ADAMTS19: variants seen among roughly 807,000 people sequenced by gnomAD.
ADAMTS19 encodes the protein ADAM metallopeptidase with thrombospondin type 1 motif 19.
Under a neutral mutation model 153.3 loss-of-function variants are expected in ADAMTS19, and 93 were observed. The ratio of observed to expected loss-of-function variants is 0.61; its 90% confidence interval spans 0.51 to 0.72. ADAMTS19 has a LOEUF of 0.72. Ranked by LOEUF, ADAMTS19 falls within the 30% of genes least tolerant of loss-of-function variation. The pLI is 0.00. For missense variants in ADAMTS19, 1,482 were observed against 1,552.1 expected (o/e 0.95, Z 0.76); for synonymous variants, 600 against 556.6 (o/e 1.08, Z -1.10).
intron 8 of ADAMTS19, among the ~76,000 whole-genome samples, chr5:129,611,237 T>C (rs1751199974): frequency 6.6e-6 from 1 of 152,080 alleles, no homozygotes; most frequent in African/African-American, 2.4e-5. Context: ...ATTCTGTAGG[T>C]TGCCTGTCCA....
intron 8 of ADAMTS19, among the ~76,000 whole-genome samples, chr5:129,600,092 G>T (rs1290261888): frequency 6.6e-6 from 1 of 152,074 alleles, no homozygotes; most frequent in Non-Finnish European, 1.5e-5. Context: ...CACAATGTAA[G>T]AAGAAATGAA....
At chr5:129,613,179 A>G (rs1028945853) in intron 8 of ADAMTS19, among the ~76,000 whole-genome samples, 3 of 152,182 alleles carry the variant, frequency 2.0e-5, no homozygotes, top group African/African-American at 7.2e-5. Flanking sequence ...GTGCTGCACA[A>G]GTGGACCTAA....
At chr5:129,501,188 A>G (rs1231561461) in intron 2 of ADAMTS19, among the ~76,000 whole-genome samples, 3 of 152,144 alleles carry the variant, frequency 2.0e-5, no homozygotes, top group African/African-American at 7.2e-5. Flanking sequence ...TGTAGGAAAG[A>G]AAATAGAAAA....
intron 2 of ADAMTS19, among the ~76,000 whole-genome samples, chr5:129,497,730 C>G (rs544416262): frequency 1.3e-5 from 2 of 152,178 alleles, no homozygotes; most frequent in Admixed American, 1.3e-4. Flanking sequence ...TGATTGCCAT[C>G]TGGTTTGGGT....
chr5:129,548,882 T>G (rs1752962169), intron 6 of ADAMTS19, among the ~76,000 whole-genome samples: 1 of 151,418 alleles, frequency 6.6e-6, no homozygotes, highest in African/African-American at 2.4e-5. Context: ...TATAGGGACA[T>G]GGATGAAACT....
intron 7 of ADAMTS19, among the ~76,000 whole-genome samples, chr5:129,587,335 T>C (rs2126898956): frequency 7.0e-6 from 1 of 143,372 alleles, no homozygotes; most frequent in Non-Finnish European, 1.5e-5. Context: ...CTCGATGTTC[T>C]TTTTTTTTTT....
intron 6 of ADAMTS19, among the ~76,000 whole-genome samples, chr5:129,544,867 C>T (rs529797551): frequency 6.6e-6 from 1 of 152,220 alleles, no homozygotes; most frequent in East Asian, 1.9e-4. Context: ...TCATCCATCA[C>T]CCCAGGTTAG....
Position 129,665,568 on chromosome 5 carries a change from A to T in ADAMTS19, c.2495A>T (p.His832Leu). 6.2e-7 allele frequency: 1 copy of T among 1,609,696 alleles called. No individual in the cohort carries two copies. Among genetic ancestry groups the T allele is most frequent in the Non-Finnish European group, 8.5e-7 (1 of 1,177,120 alleles). Residue 832 changes from histidine to leucine, a missense_variant, in exon 16 of 23, where the codon CAT (histidine) becomes CTT (leucine). His to Leu is a moderately conservative substitution (Grantham distance 99, BLOSUM62 -3). Around this residue, in one of 2 missense-constraint regions of ADAMTS19, gnomAD observed 616 missense variants for 724.4 expected, o/e 0.85. Transcript: ENST00000274487. ...RIKVVEEKPA[H>L]SYLALRDAGK... ...AAAGTTGTGGAGGAAAAGCCGGCACATAGCTATTTAGGTAACCTGTGTTAC... is the reference window on the plus strand; with the variant it reads ...AAAGTTGTGGAGGAAAAGCCGGCACTTAGCTATTTAGGTAACCTGTGTTAC...
intron 21 of ADAMTS19, among the ~76,000 whole-genome samples, chr5:129,731,444 T>C (rs1039397828): frequency 1.1e-4 from 17 of 152,134 alleles, no homozygotes; most frequent in Non-Finnish European, 1.3e-4. Context: ...TATAGTGGGA[T>C]ACTGGGCTTT....
chr5:129,714,440 A>AAAAAGAAAAAAAG (rs1561665711), intron 21 of ADAMTS19, among the ~76,000 whole-genome samples: 4 of 149,122 alleles, frequency 2.7e-5, no homozygotes, highest in African/African-American at 9.8e-5. Context: ...AAAAAAAAAA[A>AAAAAGAAAAAAAG]AAAGAAAAAT....
Position 129,556,945 on chromosome 5 carries a change from C to T in ADAMTS19, c.1372+5038C>T, listed in dbSNP as rs747531793. On this transcript the variant is annotated intron_variant, in intron 7 of 22. Coordinates refer to ENST00000274487, the MANE Select transcript of ADAMTS19 (RefSeq NM_133638.6). ...AACTGCAAGAAAATAAATTTGGATA[C>T]CTTAAGCCACTGAATTTGCAATATT... Among the ~76,000 whole-genome samples the T allele has an allele frequency of 3.3e-5, 5 of 152,114 alleles. 1 individual carries two copies. In the South Asian group the frequency reaches 1.0e-3, roughly 31 times the overall value.
chr5:129,589,558 T>C (rs7719700), intron 7 of ADAMTS19, among the ~76,000 whole-genome samples: 4 of 152,102 alleles, frequency 2.6e-5, no homozygotes, highest in Non-Finnish European at 2.9e-5. Context: ...AACTGTTTAT[T>C]ACACCAATAA....
intron 16 of ADAMTS19, among the ~76,000 whole-genome samples, chr5:129,672,728 C>T (rs1333807622): frequency 1.3e-5 from 2 of 152,018 alleles, no homozygotes; most frequent in African/African-American, 4.8e-5. Flanking sequence ...GTTTGCAGCA[C>T]CAATTTACCT....
intron 21 of ADAMTS19, among the ~76,000 whole-genome samples, chr5:129,711,413 C>A (rs539006616): frequency 5.9e-5 from 9 of 152,142 alleles, no homozygotes; most frequent in African/African-American, 1.4e-4. Context: ...CGGTGGCTCA[C>A]GCCTGTAATC....
rs61032935 is a variant in ADAMTS19 at position 129,714,426 on chromosome 5, A to AG, written c.3312+10035_3312+10036insG. ...GGGCGACAGAGCGAGACTCCGTCTCAAAAAAAAAAAAAAAAAAGAAAAATA... is the reference window on the plus strand; with the variant it reads ...GGGCGACAGAGCGAGACTCCGTCTCAGAAAAAAAAAAAAAAAAAGAAAAATA... On this transcript the variant is annotated intron_variant, in intron 21 of 22. Transcript: ENST00000274487. 1.3e-4 allele frequency among the ~76,000 whole-genome samples: 3 copies of AG among 23,136 alleles called. No homozygotes were observed. In the East Asian group the frequency reaches 3.0e-3, roughly 24 times the overall value. 15.2% of individuals were successfully genotyped at this position (23,136 alleles called of 152,430 possible). A position where few individuals can be genotyped will look rare whatever the true frequency, so the allele number is the denominator to read the frequency against.
intron 18 of ADAMTS19, chr5:129,688,142 T>A (rs764879121): frequency 7.9e-5 from 12 of 152,342 alleles, no homozygotes; most frequent in Non-Finnish European, 1.5e-4. Flanking sequence ...GCATCATTTC[T>A]GACTTCATAT....
chr5:129,589,901 T>A lies in ADAMTS19; in HGVS notation c.1373-6658T>A, dbSNP rs183511505. 2.6e-3 allele frequency among the ~76,000 whole-genome samples: 401 copies of A among 152,214 alleles called. 3 individuals are homozygous for A. Among genetic ancestry groups the A allele is most frequent in the Admixed American group, 0.023 (352 of 15,288 alleles). On this transcript the variant is annotated intron_variant, in intron 7 of 22. Coordinates refer to ENST00000274487, the MANE Select transcript of ADAMTS19 (RefSeq NM_133638.6). ...CACAGGACTAGCAAAGATCTCCACATAATAGGAGATCTTTTATGTTACATA... is the reference window on the plus strand; with the variant it reads ...CACAGGACTAGCAAAGATCTCCACAAAATAGGAGATCTTTTATGTTACATA...
chr5:129,654,027 T>C lies in ADAMTS19; in HGVS notation c.2177-279T>C, dbSNP rs946971001. On this transcript the variant is annotated intron_variant, in intron 13 of 22. Transcript: ENST00000274487. ...ATATTATTCAGGGAGGAGGTCTGGA[T>C]TGTGTGTGCTAGATATGTTCTGCCA... Among the ~76,000 whole-genome samples the C allele has an allele frequency of 5.3e-5, 8 of 152,094 alleles. No homozygotes were observed. In the East Asian group the frequency reaches 1.5e-3, roughly 29 times the overall value.
At chr5:129,644,365 A>C (rs1189191680) in intron 11 of ADAMTS19, among the ~76,000 whole-genome samples, 1 of 152,180 alleles carries the variant, frequency 6.6e-6, no homozygotes, top group Admixed American at 6.5e-5. Context: ...AATGCTTGCA[A>C]CCTCACACCA....
Sources: allele counts gnomAD v4.1 joint callset (sites outside exome capture counted in the v4.1 genomes callset), GRCh38; gene constraint gnomAD v4.1.1; regional missense constraint gnomAD v4.1.1; transcripts MANE v1.5; gene names NCBI Gene and HGNC (gene_info 2026-07-23, HGNC 2026-07-21).